Variants in CWC27 observed in about 807,000 individuals in gnomAD.
CWC27 encodes CWC27 spliceosome associated cyclophilin.
A neutral mutation model predicts 63.6 loss-of-function variants in CWC27; 47 were observed. The ratio of observed to expected loss-of-function variants is 0.74; its 90% CI spans 0.58 to 0.94. The LOEUF is 0.94. Ranked by LOEUF, CWC27 falls within the 40% of genes least tolerant of loss-of-function variation. The probability of loss-of-function intolerance (pLI) is 0.00; values close to 1 mark genes in which losing one functional copy is unlikely to be tolerated. For missense variants in CWC27, 495 were observed against 554.3 expected, an observed-to-expected ratio of 0.89 and a Z score of 1.07; for synonymous variants, 175 against 179.8, an observed-to-expected ratio of 0.97 and a Z score of 0.22.
rs138995364 is a variant in CWC27, at chr5:64,834,489, G to A, written c.938+30103G>A. On this transcript the variant is annotated intron_variant, in intron 10 of 13. Transcript: ENST00000381070. ...TCATGTTTATAATTTAGTTTTTGGA[G>A]TCCTATGAAACACCTTTCACTCTAA... Among the ~76,000 whole-genome samples the A allele has an allele frequency of 1.3e-4, 19 of 151,712 alleles. No individual in the cohort carries two copies. The East Asian group carries it at 1.9e-3, about 15-fold the overall frequency.
At chr5:64,859,704 G>A (rs1398618147) in intron 10 of CWC27, among the ~76,000 whole-genome samples, 1 of 152,112 alleles carries the variant, frequency 6.6e-6, no homozygotes, top group Admixed American at 6.5e-5. Flanking sequence ...TCTAAGGAAG[G>A]TACTGTGTGT....
intron 11 of CWC27, among the ~76,000 whole-genome samples, chr5:64,915,084 GTGTT>G (rs1417189468): frequency 6.6e-6 from 1 of 152,146 alleles, no homozygotes; most frequent in East Asian, 1.9e-4. Context: ...TTTGGGTTTT[GTGTT>G]TGTTTATTTA....
chr5:64,931,001 A>C (rs571405691), intron 11 of CWC27, among the ~76,000 whole-genome samples: 1 of 152,292 alleles, frequency 6.6e-6, no homozygotes, highest in Non-Finnish European at 1.5e-5. Flanking sequence ...CTACAGAGAC[A>C]TCAAAACTAA....
At chr5:64,930,646 G>A (rs1446961155) in intron 11 of CWC27, among the ~76,000 whole-genome samples, 2 of 152,120 alleles carry the variant, frequency 1.3e-5, no homozygotes, top group African/African-American at 4.8e-5. Flanking sequence ...AATCTAGAGG[G>A]AATGCTGGAT....
chr5:64,898,660 A>G (rs1344491767), intron 11 of CWC27, among the ~76,000 whole-genome samples: 1 of 152,132 alleles, frequency 6.6e-6, no homozygotes, highest in Non-Finnish European at 1.5e-5. Flanking sequence ...TAAAAAAGAA[A>G]GAGGGAGAGA....
chr5:64,887,582 G>A (rs527536663), intron 11 of CWC27, among the ~76,000 whole-genome samples: 2 of 152,054 alleles, frequency 1.3e-5, no homozygotes, highest in Non-Finnish European at 2.9e-5. Flanking sequence ...TGATCAGGCT[G>A]GTCTCGAACT....
intron 1 of CWC27, 110 bp downstream of exon 1, chr5:64,769,298 G>C: frequency 1.1e-6 from 1 of 922,564 alleles, no homozygotes; most frequent in Non-Finnish European, 1.8e-6. Context: ...GAGACCACGA[G>C]AAGTGTTGTC....
intron 11 of CWC27, among the ~76,000 whole-genome samples, chr5:64,937,018 C>G (rs1748368451): frequency 6.6e-6 from 1 of 151,928 alleles, no homozygotes; most frequent in South Asian, 2.1e-4. Flanking sequence ...GGCTAGTGGT[C>G]TATTTTGTTG....
intron 10 of CWC27, among the ~76,000 whole-genome samples, chr5:64,838,936 T>C (rs1745733363): frequency 2.6e-5 from 4 of 152,148 alleles, no homozygotes; most frequent in African/African-American, 9.7e-5. Context: ...AGTCATACTA[T>C]GAAAATAATC....
At chr5:64,803,902 C>T (rs534652284) in intron 9 of CWC27, among the ~76,000 whole-genome samples, 1 of 152,104 alleles carries the variant, frequency 6.6e-6, no homozygotes, top group South Asian at 2.1e-4. Context: ...AGCCACATTT[C>T]CCACTGAGAT....
chr5:64,795,939 GA>G (rs909541301), intron 7 of CWC27, among the ~76,000 whole-genome samples: 2 of 150,924 alleles, frequency 1.3e-5, no homozygotes, highest in Admixed American at 1.3e-4. Context: ...AATATACATA[GA>G]TTTTTTTTCT....
intron 10 of CWC27, among the ~76,000 whole-genome samples, chr5:64,865,719 C>T (rs375480006): frequency 2.0e-5 from 3 of 151,970 alleles, no homozygotes; most frequent in South Asian, 2.1e-4. Flanking sequence ...ATTCATAAAG[C>T]TACGCATTAC....
At chr5:64,878,310 G>T (rs943877972) in intron 10 of CWC27, among the ~76,000 whole-genome samples, 3 of 151,180 alleles carry the variant, frequency 2.0e-5, no homozygotes, top group Non-Finnish European at 4.4e-5. Context: ...GATATCTTTA[G>T]CATTAATAAT....
At chr5:64,843,265 C>T (rs1453976564) in intron 10 of CWC27, among the ~76,000 whole-genome samples, 4 of 152,276 alleles carry the variant, frequency 2.6e-5, no homozygotes, top group South Asian at 2.1e-4. Context: ...TTTTGTGACT[C>T]TGAAAAGCCC....
At chr5:64,781,819 C>T in intron 2 of CWC27, 102 bp from the exon 3 acceptor site, 1 of 538,282 alleles carries the variant, frequency 1.9e-6, no homozygotes, top group Non-Finnish European at 3.2e-6. Context: ...GCGTATTTAA[C>T]ATTCTGGAAA....
At chr5:64,781,108 T>C (rs913584636) in intron 2 of CWC27, among the ~76,000 whole-genome samples, 5 of 152,290 alleles carry the variant, frequency 3.3e-5, no homozygotes, top group Non-Finnish European at 5.9e-5. Flanking sequence ...AGTATCCTAA[T>C]GATTTTAGGT....
At chr5:64,988,842 G>T (rs1749484850) in intron 13 of CWC27, among the ~76,000 whole-genome samples, 1 of 152,084 alleles carries the variant, frequency 6.6e-6, no homozygotes, top group African/African-American at 2.4e-5. Context: ...TACCTCAGAT[G>T]ATCCACCCAC....
chr5:64,806,532 T>C (rs1048921681), intron 10 of CWC27, among the ~76,000 whole-genome samples: 2 of 152,216 alleles, frequency 1.3e-5, no homozygotes, highest in South Asian at 2.1e-4. Flanking sequence ...CTTCATCCTA[T>C]CTGTCCTACC....
At chr5:65,009,182 G>A (rs989747976) in intron 13 of CWC27, among the ~76,000 whole-genome samples, 2 of 152,172 alleles carry the variant, frequency 1.3e-5, no homozygotes, top group South Asian at 4.2e-4. Context: ...AAGGTGCCAG[G>A]TTCTTTTTAA....
Sources: allele counts gnomAD v4.1 joint callset (sites outside exome capture counted in the v4.1 genomes callset), GRCh38; gene constraint gnomAD v4.1.1; transcripts MANE v1.5; gene names NCBI Gene and HGNC (gene_info 2026-07-23, HGNC 2026-07-21).